The following VPS26A variants were observed in gnomAD, a reference collection of about 807,000 sequenced individuals.
VPS26A encodes vacuolar protein sorting-associated protein 26A.
Under a neutral mutation model 42.4 loss-of-function variants are expected in VPS26A, and 22 were observed. The ratio of observed to expected loss-of-function variants is 0.52; its 90% CI spans 0.37 to 0.74. VPS26A has a LOEUF of 0.74. Ranked by LOEUF, VPS26A falls within the 30% of genes least tolerant of loss-of-function variation. The probability of loss-of-function intolerance (pLI) is 0.00; values close to 1 mark genes in which losing one functional copy is unlikely to be tolerated. For synonymous variants in VPS26A, 110 were observed against 123.5 expected (o/e 0.89, Z 0.73); for missense variants, 276 against 379.2 (o/e 0.73, Z 2.26).
chr10:69,167,032 C>G (rs796902399), intron 7 of VPS26A, among the ~76,000 whole-genome samples: 9 of 150,256 alleles, frequency 6.0e-5, no homozygotes, highest in African/African-American at 2.2e-4. Context: ...GAAGCTGAGG[C>G]AGGAGAATCG....
At position 69,124,190 on chromosome 10, in the gene VPS26A, C is replaced by T. The variant is rs1369875588; in HGVS notation, c.-88C>T. ...TGAGGGGCGGCCCGAGGTCACGTGA[C>T]GGAGCGCCGGAGCGGAGGGAGCCGG... On this transcript the variant is annotated 5_prime_UTR_variant, in exon 1 of 9. In the 5' UTR this introduces an upstream ATG that the reference lacks. Transcript: ENST00000263559. 4.0e-6 allele frequency: 5 copies of T among 1,248,330 alleles called. No individual in the cohort carries two copies. Among genetic ancestry groups the T allele is most frequent in the Admixed American group, 4.2e-5 (1 of 24,094 alleles). The allele number at this position is 1,248,330 out of a possible 1,614,324, so 77.3% of individuals were successfully genotyped here. A position where few individuals can be genotyped will look rare whatever the true frequency, so the allele number is the denominator to read the frequency against.
chr10:69,152,992 A>C (rs1381792634), intron 2 of VPS26A, among the ~76,000 whole-genome samples: 1 of 150,250 alleles, frequency 6.7e-6, no homozygotes, highest in Admixed American at 6.6e-5. Context: ...AGAAACCTGG[A>C]AGTATGCTTT....
intron 6 of VPS26A, among the ~76,000 whole-genome samples, chr10:69,164,265 T>G (rs1405211485): frequency 6.6e-6 from 1 of 151,460 alleles, no homozygotes; most frequent in East Asian, 1.9e-4. Context: ...TCACCCAGGC[T>G]GGAGTGCAAT....
chr10:69,145,137 G>A (rs1841128588), intron 2 of VPS26A, among the ~76,000 whole-genome samples: 3 of 151,298 alleles, frequency 2.0e-5, no homozygotes, highest in South Asian at 4.2e-4. Context: ...CCGGGTTCAA[G>A]CTTTTCTCCT....
At chr10:69,165,892 G>A in intron 6 of VPS26A, 150 bp from the exon 7 acceptor site, 1 of 710,318 alleles carries the variant, frequency 1.4e-6, no homozygotes. Flanking sequence ...GCTGCGGCAA[G>A]CCATGATTGG....
At chr10:69,162,351 C>T (rs187955077) in intron 5 of VPS26A, 55 bp from the exon 6 acceptor site, 7 of 916,742 alleles carry the variant, frequency 7.6e-6, no homozygotes, top group Non-Finnish European at 6.7e-6. Context: ...ACATAGTTCA[C>T]TGTTTTTGCT....
intron 5 of VPS26A, among the ~76,000 whole-genome samples, chr10:69,160,456 C>A (rs1246643960): frequency 1.3e-5 from 2 of 148,580 alleles, no homozygotes; most frequent in East Asian, 2.0e-4. Context: ...CCGCGCCCAA[C>A]ATATTTTTTT....
intron 2 of VPS26A, among the ~76,000 whole-genome samples, chr10:69,147,799 AC>A (rs1192251249): frequency 6.6e-6 from 1 of 152,016 alleles, no homozygotes; most frequent in Non-Finnish European, 1.5e-5. Flanking sequence ...TGCAACCTCC[AC>A]CTTCTGGGCT....
At chr10:69,149,692 T>A (rs958204019) in intron 2 of VPS26A, among the ~76,000 whole-genome samples, 6 of 149,874 alleles carry the variant, frequency 4.0e-5, no homozygotes, top group African/African-American at 1.5e-4. Flanking sequence ...TTGATAGAAT[T>A]TGAATATAGA....
At chr10:69,134,473 C>A (rs2132191534) in intron 2 of VPS26A, among the ~76,000 whole-genome samples, 1 of 152,314 alleles carries the variant, frequency 6.6e-6, no homozygotes, top group South Asian at 2.1e-4. Flanking sequence ...GATCTTAATA[C>A]ACATTAATCT....
chr10:69,142,882 C>A (rs547792057), intron 2 of VPS26A, among the ~76,000 whole-genome samples: 12 of 152,082 alleles, frequency 7.9e-5, no homozygotes, highest in Admixed American at 2.6e-4. Context: ...AAATGCTATG[C>A]GATAATACTG....
intron 1 of VPS26A, among the ~76,000 whole-genome samples, chr10:69,126,140 C>G (rs750380343): frequency 9.2e-5 from 14 of 152,050 alleles, no homozygotes; most frequent in Non-Finnish European, 1.9e-4. Context: ...GATATCTTTA[C>G]CAAAAGAAGT....
intron 6 of VPS26A, among the ~76,000 whole-genome samples, chr10:69,165,396 G>A (rs1376439872): frequency 1.3e-5 from 2 of 152,072 alleles, no homozygotes; most frequent in Non-Finnish European, 2.9e-5. Context: ...CTGAGAACAT[G>A]TACCCCCATA....
intron 2 of VPS26A, among the ~76,000 whole-genome samples, chr10:69,153,512 A>ATTTT (rs34345019): frequency 1.8e-4 from 25 of 139,328 alleles, no homozygotes; most frequent in Admixed American, 3.6e-4. Context: ...TACCCAGCTA[A>ATTTT]TTTTTTTTTT....
intron 1 of VPS26A, among the ~76,000 whole-genome samples, chr10:69,130,840 C>T (rs992710154): frequency 6.6e-6 from 1 of 152,116 alleles, no homozygotes; most frequent in African/African-American, 2.4e-5. Context: ...GTATGAGATT[C>T]ATTCTTGTGT....
intron 7 of VPS26A, among the ~76,000 whole-genome samples, chr10:69,166,753 C>G (rs907373410): frequency 1.3e-5 from 2 of 152,132 alleles, no homozygotes; most frequent in African/African-American, 2.4e-5. Context: ...TTGTAAAATT[C>G]CAGCAGCCAC....
chr10:69,150,890 C>A (rs996041415), intron 2 of VPS26A, among the ~76,000 whole-genome samples: 2 of 151,976 alleles, frequency 1.3e-5, no homozygotes, highest in Non-Finnish European at 1.5e-5. Context: ...TGTGAGATTT[C>A]CTTGTGCTAT....
intron 7 of VPS26A, among the ~76,000 whole-genome samples, chr10:69,167,228 G>C (rs1161639462): frequency 6.6e-6 from 1 of 151,782 alleles, no homozygotes; most frequent in Non-Finnish European, 1.5e-5. Flanking sequence ...CCAGGAGTTT[G>C]AGACCAGTCT....
intron 3 of VPS26A, among the ~76,000 whole-genome samples, chr10:69,156,254 A>AGT (rs1257220031): frequency 1.3e-5 from 2 of 151,616 alleles, no homozygotes; most frequent in Non-Finnish European, 2.9e-5. Context: ...TTCCTGATCT[A>AGT]GTGTGTGCCT....
Sources: allele counts gnomAD v4.1 joint callset (sites outside exome capture counted in the v4.1 genomes callset), GRCh38; gene constraint gnomAD v4.1.1; transcripts MANE v1.5; gene names NCBI Gene and HGNC (gene_info 2026-07-23, HGNC 2026-07-21).